Variants in ZNF148 observed in about 807,000 individuals in gnomAD.
ZNF148 encodes the protein zinc finger protein 148, also known as Beta-Enolase Repressor Factor-1.
A neutral mutation model predicts 67.7 loss-of-function variants in ZNF148; 7 were observed. The ratio of observed to expected loss-of-function variants is 0.10; its 90% CI spans 0.06 to 0.19. ZNF148 has a LOEUF of 0.19. ZNF148 is among the 10% of genes least tolerant of loss of function. The probability of loss-of-function intolerance (pLI) is 1.00; values close to 1 mark genes in which losing one functional copy is unlikely to be tolerated. For missense variants in ZNF148, 583 were observed against 947.1 expected, an observed-to-expected ratio of 0.62 and a Z score of 5.05; for synonymous variants, 333 against 330.7, an observed-to-expected ratio of 1.01 and a Z score of -0.08.
At chr3:125,365,772 G>A (rs1273295494) in intron 1 of ZNF148, among the ~76,000 whole-genome samples, 1 of 152,148 alleles carries the variant, frequency 6.6e-6, no homozygotes, top group Non-Finnish European at 1.5e-5. Flanking sequence ...GAGCTGCTGC[G>A]TTCACACAAC....
chr3:125,314,259 T>G (rs1940377859), intron 3 of ZNF148, among the ~76,000 whole-genome samples: 1 of 152,190 alleles, frequency 6.6e-6, no homozygotes, highest in Non-Finnish European at 1.5e-5. Flanking sequence ...AAAAGCCATT[T>G]GGTATCAAAT....
chr3:125,307,001 T>C (rs1939912668), intron 4 of ZNF148, among the ~76,000 whole-genome samples: 1 of 151,654 alleles, frequency 6.6e-6, no homozygotes, highest in Non-Finnish European at 1.5e-5. Context: ...AAGGAAACAC[T>C]TCCTAACCCA....
chr3:125,301,982 T>G (rs146185056), intron 4 of ZNF148, among the ~76,000 whole-genome samples: 1 of 152,084 alleles, frequency 6.6e-6, no homozygotes, highest in Non-Finnish European at 1.5e-5. Flanking sequence ...GGAGAAATGC[T>G]TGAACCCAGG....
At chr3:125,277,902 A>T in intron 6 of ZNF148, 93 bp from the exon 7 acceptor site, 2 of 946,798 alleles carry the variant, frequency 2.1e-6, no homozygotes, top group Non-Finnish European at 3.0e-6. Context: ...TAGATGCCCA[A>T]ATTTTGGAAA....
chr3:125,316,415 C>G (rs1940495637), intron 3 of ZNF148, among the ~76,000 whole-genome samples: 1 of 152,148 alleles, frequency 6.6e-6, no homozygotes, highest in African/African-American at 2.4e-5. Context: ...TTTTGAGGAA[C>G]CACCAAACTT....
At chr3:125,244,520 G>A (rs1345677013) in intron 7 of ZNF148, among the ~76,000 whole-genome samples, 7 of 150,924 alleles carry the variant, frequency 4.6e-5, no homozygotes, top group East Asian at 3.9e-4. Flanking sequence ...TTTCTGAGAC[G>A]GAGTTTCGCT....
At chr3:125,363,957 A>G (rs1023912438) in intron 1 of ZNF148, among the ~76,000 whole-genome samples, 2 of 152,166 alleles carry the variant, frequency 1.3e-5, no homozygotes, top group Admixed American at 6.5e-5. Flanking sequence ...CCTACTTCAC[A>G]CTTTTTCCTA....
At chr3:125,360,919 C>G (rs1438821122) in intron 1 of ZNF148, among the ~76,000 whole-genome samples, 1 of 151,054 alleles carries the variant, frequency 6.6e-6, no homozygotes, top group African/African-American at 2.4e-5. Flanking sequence ...GTAATCCCAA[C>G]TACTCAGAAG....
chr3:125,356,528 G>C (rs998732649), intron 1 of ZNF148, among the ~76,000 whole-genome samples: 2 of 152,088 alleles, frequency 1.3e-5, no homozygotes, highest in Non-Finnish European at 1.5e-5. Context: ...AATCTGAATA[G>C]GATTTTATTT....
At chr3:125,241,654 AATTT>A (rs1342516798) in intron 7 of ZNF148, among the ~76,000 whole-genome samples, 1 of 152,098 alleles carries the variant, frequency 6.6e-6, no homozygotes, top group African/African-American at 2.4e-5. Context: ...GACATACTAC[AATTT>A]ATTTAATCAA....
intron 3 of ZNF148, among the ~76,000 whole-genome samples, chr3:125,315,791 A>G (rs1940463064): frequency 6.6e-6 from 1 of 152,092 alleles, no homozygotes; most frequent in Admixed American, 6.6e-5. Flanking sequence ...TGATACAAGC[A>G]CGCAACGTGA....
intron 5 of ZNF148, among the ~76,000 whole-genome samples, chr3:125,283,147 T>C (rs185648409): frequency 2.0e-5 from 3 of 152,162 alleles, no homozygotes; most frequent in East Asian, 1.9e-4. Flanking sequence ...AAATGGAAAA[T>C]AGTGCAAGTC....
chr3:125,245,219 T>G (rs1474884630), intron 7 of ZNF148, among the ~76,000 whole-genome samples: 1 of 152,126 alleles, frequency 6.6e-6, no homozygotes, highest in Admixed American at 6.5e-5. Context: ...CAAATTGTAA[T>G]CCCCATAATC....
At chr3:125,239,782 T>A (rs1482325293) in intron 7 of ZNF148, among the ~76,000 whole-genome samples, 1 of 152,148 alleles carries the variant, frequency 6.6e-6, no homozygotes, top group Non-Finnish European at 1.5e-5. Context: ...AATAAGTGAA[T>A]GAAAATGTGA....
chr3:125,361,881 C>CG (rs1397620598), intron 1 of ZNF148, among the ~76,000 whole-genome samples: 3 of 151,820 alleles, frequency 2.0e-5, no homozygotes, highest in African/African-American at 7.2e-5. Context: ...CTTCAGAGAC[C>CG]ACCCCCCTTT....
chr3:125,372,641 T>C (rs1035551257), intron 1 of ZNF148, among the ~76,000 whole-genome samples: 1 of 152,198 alleles, frequency 6.6e-6, no homozygotes, highest in Non-Finnish European at 1.5e-5. Flanking sequence ...GCTGCTGTTT[T>C]TCATTGTAAG....
chr3:125,243,943 T>C (rs1936478275), intron 7 of ZNF148, among the ~76,000 whole-genome samples: 2 of 152,250 alleles, frequency 1.3e-5, no homozygotes, highest in South Asian at 4.1e-4. Context: ...ATTTTTCCCC[T>C]TGAGGGCTAA....
chr3:125,309,111 A>T (rs555029905), intron 4 of ZNF148, among the ~76,000 whole-genome samples: 1 of 152,346 alleles, frequency 6.6e-6, no homozygotes, highest in Non-Finnish European at 1.5e-5. Context: ...ATTACAAAAA[A>T]ACTTCCCAGG....
chr3:125,335,688 A>C (rs1436226782), intron 1 of ZNF148, among the ~76,000 whole-genome samples: 1 of 152,178 alleles, frequency 6.6e-6, no homozygotes, highest in African/African-American at 2.4e-5. Context: ...AGCTACAAAA[A>C]CTGCATGCAT....
Sources: allele counts gnomAD v4.1 joint callset (sites outside exome capture counted in the v4.1 genomes callset), GRCh38; gene constraint gnomAD v4.1.1; transcripts MANE v1.5; gene names NCBI Gene and HGNC (gene_info 2026-07-23, HGNC 2026-07-21).